TOP2A: variants seen among roughly 807,000 people sequenced by gnomAD.
The protein encoded by TOP2A is DNA topoisomerase II alpha.
TOP2A carries 68 observed loss-of-function variants against 187.2 expected under a neutral mutation model. The ratio of observed to expected loss-of-function variants is 0.36; its 90% CI spans 0.30 to 0.44. The LOEUF (loss-of-function observed/expected upper bound fraction) is 0.44, where lower values mean the gene tolerates loss of function less well. Among genes scored for constraint, TOP2A ranks in the 20% least tolerant of loss-of-function variants. TOP2A has a pLI of 1.00. For missense variants in TOP2A, 1,196 were observed against 1,808.7 expected, an observed-to-expected ratio of 0.66 and a Z score of 6.14; for synonymous variants, 542 against 593.2, an observed-to-expected ratio of 0.91 and a Z score of 1.25.
Position 40,392,687 on chromosome 17 carries a change from C to T in TOP2A, c.3862G>A (p.Gly1288Arg), listed in dbSNP as rs753477629. 6.2e-7 allele frequency: 1 copy of T among 1,612,966 alleles called. No homozygotes were observed. Among genetic ancestry groups the T allele is most frequent in the Admixed American group, 1.7e-5 (1 of 59,972 alleles). ...TTLAFKPIKK[G>R]KKRNPWSDSE... ...TCAGACCAGGGATTTCTCTTCTTTC[C>T]TTTTTTGATTGGCTTAAATGCCAAT... Residue 1288 changes from glycine (G) to arginine (R), a missense_variant, in exon 30 of 35, where the codon GGA becomes AGA. Physicochemically the swap from Gly to Arg is moderately radical, Grantham distance 125 (BLOSUM62 -2). Around this residue, in one of 10 missense-constraint regions of TOP2A, gnomAD observed 374 missense variants for 403.3 expected, o/e 0.93. Transcript: ENST00000423485.
chr17:40,406,683 T>TA lies in TOP2A; in HGVS notation c.1743dup (p.Lys582Ter). On this transcript the variant is annotated frameshift_variant, in exon 15 of 35. Transcript: ENST00000423485. LOFTEE classifies it high-confidence loss of function. ...TAAAATGCCATTTCTTGCTTGTTTTTAGATACCTGTGATAAAAAACAATGA... is the reference window on the plus strand; with the variant it reads ...TAAAATGCCATTTCTTGCTTGTTTTTAAGATACCTGTGATAAAAAACAATGA... 1 of 1,612,184 alleles carries TA rather than the reference T, an allele frequency of 6.2e-7. No individual in the cohort carries two copies. The highest frequency in any genetic ancestry group is 8.5e-7 in the Non-Finnish European group (1 of 1,179,228).
At position 40,390,108 on chromosome 17, in the gene TOP2A, T is replaced by C; in HGVS notation, c.4324A>G (p.Lys1442Glu). The change falls in exon 34 of 35, where the codon AAA becomes GAA. Residue 1442 changes from lysine (K) to glutamate (E), a missense_variant. By Grantham distance (56) the Lys-to-Glu change is moderately conservative (BLOSUM62 1). Coordinates refer to ENST00000423485, the MANE Select transcript of TOP2A (RefSeq NM_001067.4). Reference protein sequence around the residue: ...AKKRAAPKGTKRDPALNSGVS... With the variant: ...AKKRAAPKGTERDPALNSGVS... ...CCAGAATTCAAAGCTGGATCCCTTT[T>C]AGTTCCTTTTGGGGCAGCCCTTTTT... is the stretch of plus-strand genomic sequence containing the variant. The C allele has an allele frequency of 6.2e-7, 1 of 1,613,858 alleles. No homozygotes were observed. Among genetic ancestry groups the C allele is most frequent in the African/African-American group, 1.3e-5 (1 of 75,066 alleles).
At chr17:40,404,955 A>C in intron 16 of TOP2A, 72 bp from the exon 17 acceptor site, 2 of 913,210 alleles carry the variant, frequency 2.2e-6, no homozygotes, top group East Asian at 5.4e-5. Context: ...CCTTCTACAA[A>C]GAACGAACAA....
At chr17:40,406,251 C>T (rs1276457547) in intron 16 of TOP2A, 133 bp downstream of exon 16, 1 of 692,250 alleles carries the variant, frequency 1.4e-6, no homozygotes, top group East Asian at 2.8e-5. Flanking sequence ...GATATGCTTA[C>T]TGGAAACATT....
intron 24 of TOP2A, 59 bp from the exon 25 acceptor site, chr17:40,399,190 A>G (rs2035143307): frequency 2.5e-6 from 3 of 1,223,332 alleles, no homozygotes; most frequent in Admixed American, 4.2e-5. Flanking sequence ...GGAAGGGGAT[A>G]AGGTTTTACA....
rs1447937795 is a variant in TOP2A, at chr17:40,409,413, CAAAT to C, written c.1204-787_1204-784del. The C allele has an allele frequency of 2.8e-5, 12 of 425,522 alleles. No homozygotes were observed. The Admixed American group carries it at 3.0e-4, about 10-fold the overall frequency. The allele number at this position is 425,522 out of a possible 1,614,324, so 26.4% of individuals were successfully genotyped here. A position where few individuals can be genotyped will look rare whatever the true frequency, so the allele number is the denominator to read the frequency against. On this transcript the variant is annotated intron_variant, in intron 10 of 34. Transcript: ENST00000423485. ...AAAAATAAATAAATAAAATTAGACA[CAAAT>C]AAAACAAATTGAGACACTTGTCCTC...
intron 6 of TOP2A, 45 bp downstream of exon 6, chr17:40,413,150 A>T: frequency 7.0e-7 from 1 of 1,427,468 alleles, no homozygotes; most frequent in Non-Finnish European, 9.6e-7. Flanking sequence ...AAATGGCTAT[A>T]CTACTACCAT....
intron 19 of TOP2A, 147 bp from the exon 20 acceptor site, chr17:40,403,201 G>T: frequency 1.3e-6 from 1 of 771,998 alleles, no homozygotes; most frequent in Non-Finnish European, 1.9e-6. Flanking sequence ...AATAGTACTT[G>T]AACCTACAAC....
At position 40,400,313 on chromosome 17, in the gene TOP2A, C is replaced by A; in HGVS notation, c.2896G>T (p.Val966Leu). ...TCAGTCATCTTCACAACAAATTTCA[C>A]AGTGGTATCTGTATGGTATTCCCTA... The part of the protein sequence containing the change: ...DYREYHTDTT[V>L]KFVVKMTEEK... The change falls in exon 23 of 35, where the codon GTG becomes TTG. Residue 966 changes from valine to leucine, a missense_variant. By Grantham distance (32) the Val-to-Leu change is conservative. This residue lies in a region of TOP2A where 232 missense variants were observed against 306.1 expected (regional missense o/e 0.76). Coordinates refer to ENST00000423485, the MANE Select transcript of TOP2A (RefSeq NM_001067.4). 1 of 1,613,662 alleles carries A rather than the reference C, an allele frequency of 6.2e-7. No homozygotes were observed. The highest frequency in any genetic ancestry group is 8.5e-7 in the Non-Finnish European group (1 of 1,179,832).
At position 40,388,934 on chromosome 17, in the gene TOP2A, T is replaced by A. The variant is rs898878627; in HGVS notation, c.*585A>T. On this transcript the variant is annotated 3_prime_UTR_variant, in exon 35 of 35. Coordinates refer to ENST00000423485, the MANE Select transcript of TOP2A (RefSeq NM_001067.4). ...CAAGTTATAGACACAGCCAAAGTGT[T>A]TTTCTTCGGCCTCTGATGATTTGAG... 2 of 208,006 alleles carry A rather than the reference T, an allele frequency of 9.6e-6. No individual in the cohort carries two copies. Among genetic ancestry groups the A allele is most frequent in the South Asian group, 1.9e-4 (1 of 5,330 alleles). 12.9% of individuals were successfully genotyped at this position (208,006 alleles called of 1,614,324 possible).
chr17:40,396,900 GTTT>G (rs535683283), intron 27 of TOP2A, among the ~76,000 whole-genome samples: 2 of 135,144 alleles, frequency 1.5e-5, no homozygotes, highest in African/African-American at 5.4e-5. Flanking sequence ...TTTTTTTTTT[GTTT>G]TTTTTTTTTT....
rs919527849 is a variant in TOP2A, at chr17:40,400,367, C to G, written c.2842G>C (p.Glu948Gln). 1.7e-5 allele frequency: 28 copies of G among 1,613,258 alleles called. No individual in the cohort carries two copies. The highest frequency in any genetic ancestry group is 2.2e-5 in the Non-Finnish European group (26 of 1,179,798). Residue 948 changes from glutamate to glutamine, a missense_variant, in exon 23 of 35, where the codon GAG becomes CAG. This residue lies in a region of TOP2A where 232 missense variants were observed against 306.1 expected (regional missense o/e 0.76). Coordinates refer to ENST00000423485, the MANE Select transcript of TOP2A (RefSeq NM_001067.4). ...QVLEPMLNGT[E>Q]KTPPLITDYR... ...TCTGTTATGAGAGGAGGTGTCTTCT[C>G]GGTGCCATTCAACATGGGTTCTAGA... is the stretch of plus-strand genomic sequence containing the variant.
At chr17:40,394,830 ACTTTT>A (rs1427428738) in intron 29 of TOP2A, among the ~76,000 whole-genome samples, 1 of 152,240 alleles carries the variant, frequency 6.6e-6, no homozygotes, top group African/African-American at 2.4e-5. Context: ...ATATGTAGTC[ACTTTT>A]CTTAAGAAAC....
rs1484767325 is a variant in TOP2A at position 40,389,619 on chromosome 17, T to TG, written c.4495dup (p.His1499ProfsTer5). The stretch of plus-strand genomic sequence containing the variant: ...AGCCACAGCTGAGTCAAAGTCCATA[T>TG]GGAAGTCATCACTCTCCCCCTTGGA... On this transcript the variant is annotated frameshift_variant, in exon 35 of 35. Coordinates refer to ENST00000423485, the MANE Select transcript of TOP2A (RefSeq NM_001067.4). LOFTEE classifies it high-confidence loss of function. 4.3e-6 allele frequency: 7 copies of TG among 1,609,874 alleles called. No homozygotes were observed. Among genetic ancestry groups the TG allele is most frequent in the South Asian group, 3.3e-5 (3 of 89,886 alleles).
At position 40,406,827 on chromosome 17, in the gene TOP2A, C is replaced by T. The variant is rs140672916; in HGVS notation, c.1737+5G>A. 7,708 of 1,595,584 alleles carry T rather than the reference C, an allele frequency of 4.8e-3. 30 individuals are homozygous for T. The highest frequency in any genetic ancestry group is 5.6e-3 in the Non-Finnish European group (6,586 of 1,166,666). Reference sequence around the variant, plus strand: ...ATCCATGATGGTACTTAGAAATTAGCGTACCTTTACAATGGGAGTGATAAA... The same window carrying T: ...ATCCATGATGGTACTTAGAAATTAGTGTACCTTTACAATGGGAGTGATAAA... On this transcript the variant is annotated splice_donor_5th_base_variant and intron_variant, in intron 14 of 34. Coordinates refer to ENST00000423485, the MANE Select transcript of TOP2A (RefSeq NM_001067.4).
At position 40,399,936 on chromosome 17, in the gene TOP2A, T is replaced by C. The variant is rs2035154605; in HGVS notation, c.3132A>G (p.Glu1044=). The part of the protein sequence containing the change: ...KEWLLGMLGA[E]SAKLNNQARF... ...GAGCCTGATTATTCAGTTTAGCAGA[T>C]TCAGCACCAAGCATTCCTAGGAGCC... Residue 1044 remains glutamate, a synonymous_variant, in exon 24 of 35, where the codon GAA becomes GAG. Transcript: ENST00000423485. 3 of 1,613,040 alleles carry C rather than the reference T, an allele frequency of 1.9e-6. No individual in the cohort carries two copies. The highest frequency in any genetic ancestry group is 2.5e-6 in the Non-Finnish European group (3 of 1,179,504).
Position 40,389,725 on chromosome 17 carries a change from C to T in TOP2A, c.4468-78G>A. Reference sequence around the variant, plus strand: ...TGTAATGTAAAAAAATGTATCAAGACACTATATTCAAGGAGTTTTCTATTT... The same window carrying T: ...TGTAATGTAAAAAAATGTATCAAGATACTATATTCAAGGAGTTTTCTATTT... On this transcript the variant is annotated intron_variant, in intron 34 of 34. Transcript: ENST00000423485. 6 of 1,503,992 alleles carry T rather than the reference C, an allele frequency of 4.0e-6. No homozygotes were observed. The South Asian group carries it at 6.5e-5, about 16-fold the overall frequency. 93.2% of individuals were successfully genotyped at this position (1,503,992 alleles called of 1,614,324 possible). A position where few individuals can be genotyped will look rare whatever the true frequency, so the allele number is the denominator to read the frequency against.
chr17:40,417,576 G>A (rs1398798390), intron 1 of TOP2A, 195 bp downstream of exon 1: 7 of 1,441,776 alleles, frequency 4.9e-6, no homozygotes, highest in South Asian at 4.3e-5. Flanking sequence ...CTGGAAGCCG[G>A]GTCATACTTC....
At position 40,400,207 on chromosome 17, in the gene TOP2A, A is replaced by G. The variant is rs746967930; in HGVS notation, c.3000+2T>C. ...TGTACATCTCACAAAACAAATACAT[A>G]CCATAGAGTTGCATGTGAGACTAGT... On this transcript the variant is annotated splice_donor_variant, in intron 23 of 34. Coordinates refer to ENST00000423485, the MANE Select transcript of TOP2A (RefSeq NM_001067.4). LOFTEE classifies it high-confidence loss of function. The G allele has an allele frequency of 1.2e-6, 2 of 1,613,096 alleles. No homozygotes were observed. The highest frequency in any genetic ancestry group is 1.7e-6 in the Non-Finnish European group (2 of 1,179,104).
Sources: allele counts gnomAD v4.1 joint callset (sites outside exome capture counted in the v4.1 genomes callset), GRCh38; gene constraint gnomAD v4.1.1; regional missense constraint gnomAD v4.1.1; transcripts MANE v1.5; gene names NCBI Gene and HGNC (gene_info 2026-07-23, HGNC 2026-07-21).